The following DST variants were observed in gnomAD, a reference collection of about 807,000 sequenced individuals.
The protein encoded by DST is bullous pemphigoid antigen.
DST carries 253 observed loss-of-function variants against 875.2 expected under a neutral mutation model. The ratio of observed to expected loss-of-function variants is 0.29; its 90% CI spans 0.26 to 0.32. The LOEUF is 0.32. Ranked by LOEUF, DST falls within the 10% of genes least tolerant of loss-of-function variation. The probability of loss-of-function intolerance (pLI) is 1.00; values close to 1 mark genes in which losing one functional copy is unlikely to be tolerated. For synonymous variants in DST, 3,124 were observed against 3,197.1 expected (o/e 0.98, Z 0.77); for missense variants, 8,287 against 9,111.6 (o/e 0.91, Z 3.68).
At chr6:56,658,560 A>G (rs1185650077) in intron 10 of DST, among the ~76,000 whole-genome samples, 1 of 152,204 alleles carries the variant, frequency 6.6e-6, no homozygotes. Context: ...ACTTAGTATA[A>G]AGGGCAATGT....
At chr6:56,633,201 T>TTTTG (rs1554532823) in intron 27 of DST, among the ~76,000 whole-genome samples, 164 bp from the exon 28 acceptor site, 6 of 151,480 alleles carry the variant, frequency 4.0e-5, no homozygotes, top group African/African-American at 1.2e-4. Context: ...GGTGGTTTTT[T>TTTTG]TTTGTTTTTT....
chr6:56,774,754 A>G (rs1405070542), intron 4 of DST, among the ~76,000 whole-genome samples: 1 of 152,174 alleles, frequency 6.6e-6, no homozygotes, highest in Non-Finnish European at 1.5e-5. Flanking sequence ...GCACTTTGGG[A>G]GGCCGAGATG....
Position 56,614,496 on chromosome 6 carries a change from G to A in DST, c.4930-12C>T, listed in dbSNP as rs762324650. ...TCTTCCAGTGACTTCTGACAGTTGT[G>A]AGCGGTAAGAAAAATATACACTGCA... is the stretch of plus-strand genomic sequence containing the variant. On this transcript the variant is annotated splice_polypyrimidine_tract_variant and intron_variant, in intron 36 of 103. Coordinates refer to ENST00000680361, the MANE Select transcript of DST (RefSeq NM_001374736.1). 7 of 1,587,604 alleles carry A rather than the reference G, an allele frequency of 4.4e-6. No individual in the cohort carries two copies. Among genetic ancestry groups the A allele is most frequent in the South Asian group, 1.2e-5 (1 of 85,498 alleles).
chr6:56,938,106 CTCTATATATA>C (rs201092385), intron 2 of DST, among the ~76,000 whole-genome samples: 2,638 of 30,014 alleles, frequency 0.088, 44 homozygotes, highest in East Asian at 0.26. Context: ...CTCTCTCTCT[CTCTATATATA>C]TATATATATA....
In DST at chr6:56,727,027, A is replaced by T. The variant is rs749927750; in HGVS notation, c.687+8201T>A. Among the ~76,000 whole-genome samples, 48 of 152,204 alleles carry T rather than the reference A, an allele frequency of 3.2e-4. 1 individual carries two copies. The highest frequency in any genetic ancestry group is 5.4e-4 in the Non-Finnish European group (37 of 68,038). ...GGAAAATAAATCTTGGGGCCCCAAA[A>T]TCACTAAGCTAAAGGGAAAAGTCAA... On this transcript the variant is annotated intron_variant, in intron 5 of 103. Coordinates refer to ENST00000680361, the MANE Select transcript of DST (RefSeq NM_001374736.1).
At chr6:56,723,481 T>TTAACCCCGG in intron 5 of DST, among the ~76,000 whole-genome samples, 1 of 152,146 alleles carries the variant, frequency 6.6e-6, no homozygotes, top group Middle Eastern at 3.4e-3. Flanking sequence ...GGAGAATCGC[T>TTAACCCCGG]TAACCCCGGG....
intron 48 of DST, 23 bp from the exon 49 acceptor site, chr6:56,592,381 G>C (rs200725999): frequency 6.4e-7 from 1 of 1,556,324 alleles, no homozygotes; most frequent in African/African-American, 1.4e-5. Context: ...AGAGAAAAGG[G>C]GTAGGAGATT....
In DST at chr6:56,476,253, A is replaced by G. The variant is rs753953479; in HGVS notation, c.21760T>C (p.Leu7254=). ...LIAKQELLEA[L]LAWLQWAETT... is the part of the protein sequence containing the mutation. Reference sequence around the variant, plus strand: ...TCAGCCCATTGCAACCAAGCCAGCAAAGCTTCCAACAATTCCTGTTTGGCA... The same window carrying G: ...TCAGCCCATTGCAACCAAGCCAGCAGAGCTTCCAACAATTCCTGTTTGGCA... Residue 7254 remains leucine, a synonymous_variant, in exon 92 of 104, where the codon TTG becomes CTG. Transcript: ENST00000680361. 1 of 1,611,038 alleles carries G rather than the reference A, an allele frequency of 6.2e-7. No homozygotes were observed. Among genetic ancestry groups the G allele is most frequent in the South Asian group, 1.1e-5 (1 of 90,324 alleles).
chr6:56,600,015 T>G (rs1438369697), intron 45 of DST, 54 bp downstream of exon 45: 5 of 1,479,122 alleles, frequency 3.4e-6, no homozygotes, highest in African/African-American at 2.8e-5. Flanking sequence ...TTCCAAATGA[T>G]AGTAATCGAA....
intron 4 of DST, among the ~76,000 whole-genome samples, chr6:56,781,200 T>C (rs1361039542): frequency 6.6e-6 from 1 of 152,120 alleles, no homozygotes; most frequent in Non-Finnish European, 1.5e-5. Context: ...ATTGACTTGG[T>C]GATGCGGGCT....
At chr6:56,786,342 C>T (rs539949452) in intron 4 of DST, among the ~76,000 whole-genome samples, 1 of 152,196 alleles carries the variant, frequency 6.6e-6, no homozygotes, top group African/African-American at 2.4e-5. Flanking sequence ...AGTAAGCCTG[C>T]ATTCTTCAGA....
intron 10 of DST, among the ~76,000 whole-genome samples, chr6:56,668,488 T>TA (rs1404906724): frequency 6.6e-6 from 1 of 152,084 alleles, no homozygotes; most frequent in East Asian, 1.9e-4. Context: ...ATGCCTGTAA[T>TA]CCTAGCACAC....
chr6:56,640,515 T>G lies in DST; in HGVS notation c.2118A>C (p.Thr706=), dbSNP rs773327972. 6.2e-7 allele frequency: 1 copy of G among 1,614,076 alleles called. No individual in the cohort carries two copies. Among genetic ancestry groups the G allele is most frequent in the Non-Finnish European group, 8.5e-7 (1 of 1,180,008 alleles). The change falls in exon 18 of 104, where the codon ACA becomes ACC. Residue 706 remains threonine (T), a synonymous_variant. Coordinates refer to ENST00000680361, the MANE Select transcript of DST (RefSeq NM_001374736.1). ...SKGRILTTEQ[T]KLMISGITQS... is the part of the protein sequence containing the mutation. ...GAGTGATTCCTGATATCATGAGCTTTGTCTGTTCTGTTGTCAGTATGCGTC... is the reference window on the plus strand; with the variant it reads ...GAGTGATTCCTGATATCATGAGCTTGGTCTGTTCTGTTGTCAGTATGCGTC...
At chr6:56,502,889 T>A (rs993609427) in intron 78 of DST, among the ~76,000 whole-genome samples, 3 of 152,170 alleles carry the variant, frequency 2.0e-5, no homozygotes, top group Admixed American at 6.6e-5. Context: ...AACAGTGTGA[T>A]GTCTCTGCAT....
chr6:56,461,811 CA>C (rs1466209350), intron 102 of DST: 1 of 152,152 alleles, frequency 6.6e-6, no homozygotes, highest in Non-Finnish European at 1.5e-5. Context: ...TAATAATTGA[CA>C]GACATCTCTA....
intron 69 of DST, among the ~76,000 whole-genome samples, chr6:56,517,845 C>T (rs1425583230): frequency 6.6e-6 from 1 of 152,122 alleles, no homozygotes; most frequent in African/African-American, 2.4e-5. Context: ...ATTTATAGCA[C>T]TGCATTAATG....
rs2094926732 is a variant in DST, at chr6:56,472,096, C to T, written c.22121G>A (p.Arg7374Lys). 2.5e-6 allele frequency: 4 copies of T among 1,613,930 alleles called. No individual in the cohort carries two copies. Among genetic ancestry groups the T allele is most frequent in the Non-Finnish European group, 3.4e-6 (4 of 1,179,834 alleles). Residue 7374 changes from arginine (R) to lysine (K), a missense_variant, in exon 94 of 104, where the codon AGG becomes AAG. Physicochemically the swap from Arg to Lys is conservative, Grantham distance 26. Transcript: ENST00000680361. The part of the protein sequence containing the change: ...QQVWLLALER[R>K]RKLNDALDRL... ...GTCCAAGGCATCATTGAGTTTCCTC[C>T]TTCTTTCCAACGCCAGGAGCCAGAC...
At chr6:56,483,656 T>C (rs750008261) in intron 88 of DST, 2 of 149,680 alleles carry the variant, frequency 1.3e-5, no homozygotes, top group Non-Finnish European at 3.0e-5. Context: ...TTATTTTTGA[T>C]CCAAGAGTCT....
intron 37 of DST, among the ~76,000 whole-genome samples, chr6:56,611,813 C>T (rs527933218): frequency 6.6e-6 from 1 of 152,236 alleles, no homozygotes; most frequent in East Asian, 1.9e-4. Context: ...ATCCTTAATG[C>T]CGTCATTTTC....
Sources: gnomAD v4.1 joint callset for allele counts (sites outside exome capture counted in the v4.1 genomes callset) on GRCh38, gnomAD v4.1.1 for gene constraint, MANE v1.5 for transcripts, NCBI Gene and HGNC (gene_info 2026-07-23, HGNC 2026-07-21) for gene names.